PSD4: variants seen among roughly 807,000 people sequenced by gnomAD.
PSD4 encodes pleckstrin and Sec7 domain containing 4.
In PSD4, 59 loss-of-function variants were observed where a neutral mutation model predicts 112.5. The ratio of observed to expected loss-of-function variants is 0.52; its 90% CI spans 0.43 to 0.65. The LOEUF is 0.65. PSD4 is among the 30% of genes least tolerant of loss of function. The pLI, the probability that PSD4 is intolerant of heterozygous loss-of-function variation, is 0.00. For synonymous variants in PSD4, 533 were observed against 540.0 expected (o/e 0.99, Z 0.18); for missense variants, 1,267 against 1,352.6 (o/e 0.94, Z 0.99).
In PSD4 at chr2:113,197,986, C is replaced by T. The variant is rs1199203492; in HGVS notation, c.2624+73C>T. 5 of 1,425,550 alleles carry T rather than the reference C, an allele frequency of 3.5e-6. No individual in the cohort carries two copies. The South Asian group carries it at 4.5e-5, about 13-fold the overall frequency. The allele number at this position is 1,425,550 out of a possible 1,614,324, so 88.3% of individuals were successfully genotyped here. A position where few individuals can be genotyped will look rare whatever the true frequency, so the allele number is the denominator to read the frequency against. On this transcript the variant is annotated intron_variant, in intron 14 of 16. Coordinates refer to ENST00000245796, the MANE Select transcript of PSD4 (RefSeq NM_012455.3). ...GTTCTCTCTCCCCTGACCCTGCTGA[C>T]ACCTGAGGCTTGTGGGCCCCAGGGG...
chr2:113,185,829 T>C, intron 4 of PSD4, 48 bp from the exon 5 acceptor site: 3 of 1,578,830 alleles, frequency 1.9e-6, no homozygotes, highest in East Asian at 2.3e-5. Context: ...CCCAGGCCGT[T>C]CTCCTGCCTC....
rs1166325046 is a variant in PSD4, at chr2:113,205,475, C to T, written c.*4060C>T. ...TGAAACCCAGTCTTTACTAAAAATACAAAAAATAGCCGGGCATGGTGGCAC... is the reference window on the plus strand; with the variant it reads ...TGAAACCCAGTCTTTACTAAAAATATAAAAAATAGCCGGGCATGGTGGCAC... On this transcript the variant is annotated 3_prime_UTR_variant, in exon 17 of 17. Transcript: ENST00000245796. The T allele has an allele frequency of 6.6e-6, 1 of 151,958 alleles. No individual in the cohort carries two copies. Among genetic ancestry groups the T allele is most frequent in the Non-Finnish European group, 1.5e-5 (1 of 68,004 alleles). The allele number at this position is 151,958 out of a possible 1,614,324, so 9.4% of individuals were successfully genotyped here.
In PSD4 at chr2:113,200,121, G is replaced by A. The variant is rs45481395; in HGVS notation, c.2913+895G>A. ...GATTACAGGTGTGATCCACTGCCCCGGCCAGTAATGACTTTGTTGACTCTA... is the reference window on the plus strand; with the variant it reads ...GATTACAGGTGTGATCCACTGCCCCAGCCAGTAATGACTTTGTTGACTCTA... On this transcript the variant is annotated intron_variant, in intron 16 of 16. Transcript: ENST00000245796. 1.4e-3 allele frequency among the ~76,000 whole-genome samples: 174 copies of A among 123,584 alleles called. 2 individuals are homozygous for A. Among genetic ancestry groups the A allele is most frequent in the African/African-American group, 4.2e-3 (165 of 38,894 alleles). The allele number at this position is 123,584 out of a possible 152,430, so 81.1% of individuals were successfully genotyped here.
At chr2:113,177,970 C>T (rs45549541) in intron 1 of PSD4, among the ~76,000 whole-genome samples, 2 of 152,168 alleles carry the variant, frequency 1.3e-5, no homozygotes, top group African/African-American at 2.4e-5. Context: ...ATAATCCCAG[C>T]GCTTTGGGAG....
At chr2:113,195,908 C>T (rs917599063) in intron 11 of PSD4, 138 bp downstream of exon 11, 39 of 1,286,970 alleles carry the variant, frequency 3.0e-5, no homozygotes, top group Non-Finnish European at 4.2e-5. Flanking sequence ...AGAGGCAGGG[C>T]TCTGGGGAGA....
At chr2:113,189,908 A>G (rs1485602700) in intron 5 of PSD4, among the ~76,000 whole-genome samples, 1 of 152,008 alleles carries the variant, frequency 6.6e-6, no homozygotes, top group African/African-American at 2.4e-5. Flanking sequence ...TAGATTCTGG[A>G]TATTAGTCCT....
At chr2:113,179,653 T>G (rs767531274) in intron 1 of PSD4, among the ~76,000 whole-genome samples, 5 of 152,180 alleles carry the variant, frequency 3.3e-5, no homozygotes, top group Non-Finnish European at 7.4e-5. Flanking sequence ...TTCCCGGGAA[T>G]GCAGCCCAGT....
chr2:113,178,736 A>G (rs966177879), intron 1 of PSD4, among the ~76,000 whole-genome samples: 1 of 152,036 alleles, frequency 6.6e-6, no homozygotes, highest in Non-Finnish European at 1.5e-5. Flanking sequence ...GGTTGGCGTT[A>G]TCCTGGCAAA....
Position 113,193,307 on chromosome 2 carries a change from C to A in PSD4, c.1969C>A (p.Arg657=), listed in dbSNP as rs145761056. The part of the protein sequence containing the change: ...VLSGETQERE[R]ILYQFSRRFH... ...CAGTGGGGAGACTCAGGAACGGGAG[C>A]GAATCCTCTACCAGTTCTCCAGACG... is the stretch of plus-strand genomic sequence containing the variant. The change falls in exon 8 of 17, where the codon CGA becomes AGA. Residue 657 remains arginine (R), a synonymous_variant. Coordinates refer to ENST00000245796, the MANE Select transcript of PSD4 (RefSeq NM_012455.3). The A allele has an allele frequency of 1.1e-5, 17 of 1,597,502 alleles. No homozygotes were observed. Among genetic ancestry groups the A allele is most frequent in the Non-Finnish European group, 1.4e-5 (16 of 1,174,668 alleles).
Position 113,185,446 on chromosome 2 carries a change from C to G in PSD4, c.1249+6C>G. The G allele has an allele frequency of 1.2e-6, 2 of 1,614,182 alleles. No homozygotes were observed. The highest frequency in any genetic ancestry group is 1.7e-6 in the Non-Finnish European group (2 of 1,180,038). ...TCTTAACTCCCAGGACAGAGGTGAG[C>G]CCTAATAAGGGGGTTTGGGAAATTG... On this transcript the variant is annotated splice_donor_region_variant and intron_variant, in intron 4 of 16. Coordinates refer to ENST00000245796, the MANE Select transcript of PSD4 (RefSeq NM_012455.3).
Position 113,195,714 on chromosome 2 carries a change from G to A in PSD4, c.2182-13G>A. On this transcript the variant is annotated splice_polypyrimidine_tract_variant and intron_variant, in intron 10 of 16. Transcript: ENST00000245796. ...CTGAGGCTCCCCTGCCCACCTGTGT[G>A]CTTCTGTTCCAGGCCCTCTACTGGT... The A allele has an allele frequency of 6.2e-7, 1 of 1,614,184 alleles. No homozygotes were observed. Among genetic ancestry groups the A allele is most frequent in the Non-Finnish European group, 8.5e-7 (1 of 1,180,026 alleles).
At chr2:113,182,278 A>G in intron 1 of PSD4, 68 bp from the exon 2 acceptor site, 1 of 618,926 alleles carries the variant, frequency 1.6e-6, no homozygotes, top group Non-Finnish European at 2.9e-6. Flanking sequence ...CACATCTAAC[A>G]CACTACACAC....
At chr2:113,200,231 C>T (rs1383199089) in intron 16 of PSD4, among the ~76,000 whole-genome samples, 2 of 152,204 alleles carry the variant, frequency 1.3e-5, no homozygotes, top group East Asian at 3.8e-4. Context: ...TTTGGTGTGA[C>T]GTCAGTTCAT....
Position 113,201,856 on chromosome 2 carries a change from C to A in PSD4, c.*441C>A. 6.0e-6 allele frequency: 1 copy of A among 167,430 alleles called. No homozygotes were observed. The highest frequency in any genetic ancestry group is 1.7e-4 in the East Asian group (1 of 5,778). The allele number at this position is 167,430 out of a possible 1,614,324, so 10.4% of individuals were successfully genotyped here. ...CAGCAGAGGCCCCTGGGCAGCCCAG[C>A]CAGGGGAGCCACAGCCCCAAGGATG... On this transcript the variant is annotated 3_prime_UTR_variant, in exon 17 of 17. Transcript: ENST00000245796.
chr2:113,178,230 G>T (rs17043069), intron 1 of PSD4, among the ~76,000 whole-genome samples: 5,875 of 151,818 alleles, frequency 0.039, 375 homozygotes, highest in African/African-American at 0.13. Context: ...AAAAAATGTC[G>T]CAGCCAGTCA....
At chr2:113,195,165 CT>C (rs10603865) in intron 10 of PSD4, among the ~76,000 whole-genome samples, 2,798 of 145,780 alleles carry the variant, frequency 0.019, 76 homozygotes, top group African/African-American at 0.064. Flanking sequence ...TGGTCATCAT[CT>C]TTTTTTTTTT....
rs1688171552 is a variant in PSD4, at chr2:113,182,642, T to C, written c.186T>C (p.Asn62=). ...ATDPPEPTRQ[N]VPPWGSGVEL... ...ACCCTCCTGAACCTACCAGACAAAATGTTCCTCCCTGGGGCTCCGGTGTGG... is the reference window on the plus strand; with the variant it reads ...ACCCTCCTGAACCTACCAGACAAAACGTTCCTCCCTGGGGCTCCGGTGTGG... Residue 62 remains asparagine (N), a synonymous_variant, in exon 2 of 17, where the codon AAT becomes AAC. Transcript: ENST00000245796. 6.2e-7 allele frequency: 1 copy of C among 1,613,776 alleles called. No homozygotes were observed. The highest frequency in any genetic ancestry group is 8.5e-7 in the Non-Finnish European group (1 of 1,179,922).
At position 113,201,366 on chromosome 2, in the gene PSD4, G is replaced by A. The variant is rs776412164; in HGVS notation, c.3122G>A (p.Arg1041His). ...TAKVKRNISE[R>H]RTYRKIIPKR... is the part of the protein sequence containing the mutation. The stretch of plus-strand genomic sequence containing the variant: ...AAGGTGAAGCGCAACATCTCAGAGC[G>A]CAGAACCTACCGGAAGATCATCCCT... Residue 1041 changes from arginine to histidine, a missense_variant, in exon 17 of 17, where the codon CGC (arginine) becomes CAC (histidine). Physicochemically the swap from Arg to His is conservative, Grantham distance 29 (BLOSUM62 0). This residue lies in a region of PSD4 where 544 missense variants were observed against 648.6 expected (regional missense o/e 0.84). Transcript: ENST00000245796. 7.4e-6 allele frequency: 12 copies of A among 1,614,046 alleles called. No homozygotes were observed. Among genetic ancestry groups the A allele is most frequent in the East Asian group, 2.2e-5 (1 of 44,886 alleles).
Position 113,206,128 on chromosome 2 carries a change from T to C in PSD4, c.*4713T>C, listed in dbSNP as rs986174596. ...ACTGGGGCTCTTTGAGCCTATTCTCTACCCCCTTCATTATCATGCCTTGCA... is the reference window on the plus strand; with the variant it reads ...ACTGGGGCTCTTTGAGCCTATTCTCCACCCCCTTCATTATCATGCCTTGCA... On this transcript the variant is annotated 3_prime_UTR_variant, in exon 17 of 17. Transcript: ENST00000245796. 1 of 152,312 alleles carries C rather than the reference T, an allele frequency of 6.6e-6. No individual in the cohort carries two copies. The highest frequency in any genetic ancestry group is 1.5e-5 in the Non-Finnish European group (1 of 68,088). 9.4% of individuals were successfully genotyped at this position (152,312 alleles called of 1,614,324 possible). A position where few individuals can be genotyped will look rare whatever the true frequency, so the allele number is the denominator to read the frequency against.
Sources: allele counts gnomAD v4.1 joint callset (sites outside exome capture counted in the v4.1 genomes callset), GRCh38; gene constraint gnomAD v4.1.1; regional missense constraint gnomAD v4.1.1; transcripts MANE v1.5; gene names NCBI Gene and HGNC (gene_info 2026-07-23, HGNC 2026-07-21).